PAPPA2: variants seen among roughly 807,000 people sequenced by gnomAD.
The protein encoded by PAPPA2 is pappalysin-2.
In PAPPA2, 86 loss-of-function variants were observed where a neutral mutation model predicts 176.4. The observed-to-expected ratio is 0.49, with a 90% CI of 0.41 to 0.58. The LOEUF (loss-of-function observed/expected upper bound fraction) is 0.58, where lower values mean the gene tolerates loss of function less well. PAPPA2 is among the 20% of genes least tolerant of loss of function. PAPPA2 has a pLI of 0.00. For missense variants in PAPPA2, 2,073 were observed against 2,256.9 expected, an observed-to-expected ratio of 0.92 and a Z score of 1.65; for synonymous variants, 809 against 852.2, an observed-to-expected ratio of 0.95 and a Z score of 0.88.
At chr1:176,772,695 G>A (rs953129234) in intron 17 of PAPPA2, among the ~76,000 whole-genome samples, 9 of 152,170 alleles carry the variant, frequency 5.9e-5, no homozygotes, top group Non-Finnish European at 1.3e-4. Context: ...AGCAGGTGTA[G>A]TAAACAGTTT....
chr1:176,507,500 T>C (rs1395929367), intron 1 of PAPPA2, among the ~76,000 whole-genome samples: 1 of 152,116 alleles, frequency 6.6e-6, no homozygotes, highest in Admixed American at 6.6e-5. Flanking sequence ...TGTTCATCAC[T>C]GTGTTATTCA....
chr1:176,503,021 A>G (rs1019422548), intron 1 of PAPPA2, among the ~76,000 whole-genome samples: 2 of 152,216 alleles, frequency 1.3e-5, no homozygotes, highest in Non-Finnish European at 2.9e-5. Context: ...AAAATGACAC[A>G]AATATATTAC....
intron 2 of PAPPA2, among the ~76,000 whole-genome samples, chr1:176,558,295 C>T (rs1210036832): frequency 2.0e-5 from 3 of 152,186 alleles, no homozygotes; most frequent in African/African-American, 7.2e-5. Context: ...AAAGGCATGC[C>T]AGGCAGGCTG....
rs972380951 is a variant in PAPPA2, at chr1:176,486,595, T to G, written c.-917+23177T>G. Among the ~76,000 whole-genome samples, 34 of 152,266 alleles carry G rather than the reference T, an allele frequency of 2.2e-4. 1 individual carries two copies. The highest frequency in any genetic ancestry group is 7.7e-4 in the African/African-American group (32 of 41,554). ...AGTGGCATTTGAGTGAAATCTTAATTCTCTAGGTGGGGAGCAAACTGAGGG... is the reference window on the plus strand; with the variant it reads ...AGTGGCATTTGAGTGAAATCTTAATGCTCTAGGTGGGGAGCAAACTGAGGG... On this transcript the variant is annotated intron_variant, in intron 1 of 22. Transcript: ENST00000367662.
chr1:176,628,112 C>T (rs906509906), intron 3 of PAPPA2, among the ~76,000 whole-genome samples: 1 of 152,132 alleles, frequency 6.6e-6, no homozygotes, highest in Non-Finnish European at 1.5e-5. Context: ...ATGTTTTTCT[C>T]TGGTCACCAT....
intron 3 of PAPPA2, among the ~76,000 whole-genome samples, chr1:176,655,586 C>A (rs1657990037): frequency 6.6e-6 from 1 of 151,750 alleles, no homozygotes; most frequent in Admixed American, 6.6e-5. Flanking sequence ...CCATCTTACA[C>A]CAGTCAGAAT....
chr1:176,776,013 A>G (rs773707143), intron 17 of PAPPA2, among the ~76,000 whole-genome samples: 2 of 152,248 alleles, frequency 1.3e-5, no homozygotes, highest in East Asian at 3.9e-4. Flanking sequence ...CACATTGTAT[A>G]ATAGGCACAA....
chr1:176,817,886 C>G (rs1359879136), intron 21 of PAPPA2, among the ~76,000 whole-genome samples: 1 of 151,872 alleles, frequency 6.6e-6, no homozygotes, highest in Admixed American at 6.6e-5. Context: ...AAAGGAGGAA[C>G]GTATGGATGC....
chr1:176,611,710 G>A (rs1654939652), intron 3 of PAPPA2, among the ~76,000 whole-genome samples: 1 of 152,178 alleles, frequency 6.6e-6, no homozygotes, highest in Non-Finnish European at 1.5e-5. Flanking sequence ...GGAGCTATTA[G>A]AGCATCTTTA....
chr1:176,523,634 A>G (rs1309883194), intron 1 of PAPPA2, among the ~76,000 whole-genome samples: 1 of 152,196 alleles, frequency 6.6e-6, no homozygotes, highest in East Asian at 1.9e-4. Context: ...TCATTTATTC[A>G]TTCATTAAAT....
At chr1:176,544,776 A>G (rs1267044697) in intron 1 of PAPPA2, among the ~76,000 whole-genome samples, 2 of 152,150 alleles carry the variant, frequency 1.3e-5, no homozygotes, top group East Asian at 3.9e-4. Context: ...ACCTGGCTAC[A>G]AATCTGAGGT....
At chr1:176,586,369 G>A (rs1653309244) in intron 2 of PAPPA2, among the ~76,000 whole-genome samples, 1 of 152,056 alleles carries the variant, frequency 6.6e-6, no homozygotes, top group Non-Finnish European at 1.5e-5. Flanking sequence ...GAATGTGCAG[G>A]TTTGTTACAT....
At chr1:176,667,968 C>T (rs1046895803) in intron 3 of PAPPA2, among the ~76,000 whole-genome samples, 1 of 152,096 alleles carries the variant, frequency 6.6e-6, no homozygotes, top group Non-Finnish European at 1.5e-5. Flanking sequence ...GCTGGAGAGC[C>T]AGCTGTCGGG....
intron 21 of PAPPA2, 35 bp downstream of exon 21, chr1:176,800,167 A>G (rs369759294): frequency 1.2e-6 from 2 of 1,604,732 alleles, no homozygotes; most frequent in African/African-American, 1.3e-5. Context: ...CTCAGACTAG[A>G]GAACTCAGGT....
chr1:176,604,869 G>A (rs2102667941), intron 3 of PAPPA2, among the ~76,000 whole-genome samples: 1 of 152,334 alleles, frequency 6.6e-6, no homozygotes, highest in Non-Finnish European at 1.5e-5. Flanking sequence ...TTTTAGTAGA[G>A]TAAAAATTTA....
At position 176,483,108 on chromosome 1, in the gene PAPPA2, ACTGGATCACTTCT is replaced by A. The variant is rs1162547912; in HGVS notation, c.-917+19693_-917+19705del. ...CATGATCATCAGTGCCATTGGACAT[ACTGGATCACTTCT>A]CTAGTCTTGCCATGTTTTCTATACT... On this transcript the variant is annotated intron_variant, in intron 1 of 22. Transcript: ENST00000367662. Among the ~76,000 whole-genome samples the A allele has an allele frequency of 3.3e-5, 5 of 152,262 alleles. No individual in the cohort carries two copies. The East Asian group carries it at 5.8e-4, about 18-fold the overall frequency.
chr1:176,574,320 T>C (rs1193949868), intron 2 of PAPPA2, among the ~76,000 whole-genome samples: 2 of 152,206 alleles, frequency 1.3e-5, no homozygotes, highest in Non-Finnish European at 2.9e-5. Context: ...ACCGTATAAA[T>C]TAATACTATT....
At chr1:176,480,274 G>T (rs1481696909) in intron 1 of PAPPA2, among the ~76,000 whole-genome samples, 3 of 152,202 alleles carry the variant, frequency 2.0e-5, no homozygotes, top group Non-Finnish European at 4.4e-5. Context: ...AGCTCCTGGG[G>T]CACCCGAAAG....
intron 12 of PAPPA2, among the ~76,000 whole-genome samples, chr1:176,723,604 A>G (rs1661726809): frequency 6.6e-6 from 1 of 152,242 alleles, no homozygotes; most frequent in East Asian, 1.9e-4. Flanking sequence ...AGACAAATTT[A>G]CTGCAAGTGA....
Sources: allele counts gnomAD v4.1 joint callset (sites outside exome capture counted in the v4.1 genomes callset), GRCh38; gene constraint gnomAD v4.1.1; transcripts MANE v1.5; gene names NCBI Gene and HGNC (gene_info 2026-07-23, HGNC 2026-07-21).